TLN2: variants seen among roughly 807,000 people sequenced by gnomAD.
TLN2 encodes talin 2.
TLN2 carries 118 observed loss-of-function variants against 294.7 expected under a neutral mutation model. The observed-to-expected ratio is 0.40, with a 90% confidence interval of 0.34 to 0.47. The LOEUF is 0.47. Ranked by LOEUF, TLN2 falls within the 20% of genes least tolerant of loss-of-function variation. The pLI is 0.84. For missense variants in TLN2, 3,083 were observed against 3,282.2 expected, an observed-to-expected ratio of 0.94 and a Z score of 1.48; for synonymous variants, 1,431 against 1,304.5, an observed-to-expected ratio of 1.10 and a Z score of -2.09.
intron 1 of TLN2, among the ~76,000 whole-genome samples, chr15:62,589,246 CAAG>C (rs1319608325): frequency 6.6e-6 from 1 of 152,072 alleles, no homozygotes; most frequent in African/African-American, 2.4e-5. Flanking sequence ...ACAGCAAAAT[CAAG>C]AAGGGACCAC....
At chr15:62,577,667 C>T (rs909989588) in intron 1 of TLN2, among the ~76,000 whole-genome samples, 3 of 151,816 alleles carry the variant, frequency 2.0e-5, no homozygotes, top group Non-Finnish European at 4.4e-5. Flanking sequence ...ATGATGTTTT[C>T]TTTGTTTTGT....
chr15:62,619,214 C>T (rs2048562058), intron 3 of TLN2, among the ~76,000 whole-genome samples: 1 of 151,934 alleles, frequency 6.6e-6, no homozygotes, highest in African/African-American at 2.4e-5. Flanking sequence ...CATGTTTTTT[C>T]TGAAAAATGC....
intron 2 of TLN2, among the ~76,000 whole-genome samples, chr15:62,602,142 C>T (rs2047059311): frequency 6.6e-6 from 1 of 152,146 alleles, no homozygotes; most frequent in Non-Finnish European, 1.5e-5. Flanking sequence ...TTACAGTGGA[C>T]AGAACTAGGA....
At chr15:62,761,910 T>C (rs1382711815) in intron 38 of TLN2, 89 bp downstream of exon 38, 3 of 1,547,814 alleles carry the variant, frequency 1.9e-6, no homozygotes, top group Non-Finnish European at 2.7e-6. Context: ...CTCCAACAGC[T>C]CTCTCTGTCA....
intron 1 of TLN2, among the ~76,000 whole-genome samples, chr15:62,489,881 G>C (rs2038614314): frequency 6.6e-6 from 1 of 152,250 alleles, no homozygotes; most frequent in Non-Finnish European, 1.5e-5. Context: ...AGTACCCCAT[G>C]TTGGAATGGG....
intron 48 of TLN2, 90 bp from the exon 49 acceptor site, chr15:62,800,278 G>T: frequency 6.5e-7 from 1 of 1,541,416 alleles, no homozygotes; most frequent in Non-Finnish European, 8.7e-7. Flanking sequence ...CCTCCCCCGT[G>T]CCCTGGCCTG....
chr15:62,526,812 A>G (rs2040763275), intron 1 of TLN2, among the ~76,000 whole-genome samples: 1 of 152,136 alleles, frequency 6.6e-6, no homozygotes, highest in East Asian at 1.9e-4. Flanking sequence ...GGGGTTATAG[A>G]TGCCAGCCCC....
At position 62,761,683 on chromosome 15, in the gene TLN2, C is replaced by T; in HGVS notation, c.4641C>T (p.Ala1547=). The change falls in exon 38 of 59, where the codon GCC becomes GCT. Residue 1547 remains alanine, a splice_region_variant and synonymous_variant. Transcript: ENST00000636159. ...STANLVKTIK[A]LDGDFSEDNR... ...ATCTCCCTGTTTTCTCCCATCAGGC[C>T]CTGGATGGGGATTTCTCTGAAGACA... 1.2e-6 allele frequency: 2 copies of T among 1,614,030 alleles called. No homozygotes were observed. Among genetic ancestry groups the T allele is most frequent in the Non-Finnish European group, 1.7e-6 (2 of 1,180,000 alleles).
At chr15:62,736,280 A>C (rs1256934985) in intron 28 of TLN2, among the ~76,000 whole-genome samples, 1 of 151,726 alleles carries the variant, frequency 6.6e-6, no homozygotes, top group Non-Finnish European at 1.5e-5. Flanking sequence ...AGATCGCGCC[A>C]CTGCACTCCA....
At chr15:62,632,847 A>G (rs1167180432) in intron 3 of TLN2, among the ~76,000 whole-genome samples, 1 of 152,170 alleles carries the variant, frequency 6.6e-6, no homozygotes. Flanking sequence ...CCCTTTTTAT[A>G]TGATGGAGGA....
chr15:62,784,233 C>A, intron 45 of TLN2: 2 of 391,388 alleles, frequency 5.1e-6, no homozygotes, highest in Middle Eastern at 1.3e-3. Context: ...ACTTCCTACT[C>A]CAGTTAGCAC....
intron 52 of TLN2, among the ~76,000 whole-genome samples, chr15:62,815,816 C>T (rs1239546854): frequency 2.6e-5 from 4 of 152,220 alleles, no homozygotes; most frequent in African/African-American, 9.6e-5. Context: ...CTATTTGCTT[C>T]AGATGCTTAT....
intron 1 of TLN2, among the ~76,000 whole-genome samples, chr15:62,414,644 G>A (rs2033977261): frequency 7.1e-6 from 1 of 141,240 alleles, no homozygotes; most frequent in East Asian, 3.5e-4. Flanking sequence ...TGATTTGGAC[G>A]TTCAGTCTAG....
chr15:62,772,202 C>T, intron 42 of TLN2, among the ~76,000 whole-genome samples: 1 of 152,120 alleles, frequency 6.6e-6, no homozygotes, highest in East Asian at 1.9e-4. Context: ...AGCAATCCTC[C>T]CCATTTAGCC....
intron 1 of TLN2, among the ~76,000 whole-genome samples, chr15:62,560,673 G>A (rs1411558245): frequency 6.6e-6 from 1 of 152,212 alleles, no homozygotes; most frequent in East Asian, 1.9e-4. Flanking sequence ...CCTGTCTTTG[G>A]TTAAGAATTA....
chr15:62,548,031 A>G (rs2042089545), intron 1 of TLN2, among the ~76,000 whole-genome samples: 1 of 152,238 alleles, frequency 6.6e-6, no homozygotes, highest in Non-Finnish European at 1.5e-5. Flanking sequence ...GGTTGCAAAC[A>G]TATGGAGCTT....
At chr15:62,718,044 C>G (rs578006884) in intron 24 of TLN2, among the ~76,000 whole-genome samples, 2 of 152,190 alleles carry the variant, frequency 1.3e-5, no homozygotes, top group African/African-American at 2.4e-5. Flanking sequence ...AATTCAGCCT[C>G]GCTCCCTGGA....
In TLN2 at chr15:62,686,677, C is replaced by T. The variant is rs758243412; in HGVS notation, c.994C>T (p.Leu332=). Residue 332 remains leucine, a synonymous_variant, in exon 12 of 59, where the codon CTG becomes TTG. Coordinates refer to ENST00000636159, the MANE Select transcript of TLN2 (RefSeq NM_015059.3). The part of the protein sequence containing the change: ...MKGKNKLVPR[L]LGITKDSVMR... ...AGGCAAGAACAAGCTGGTGCCTCGC[C>T]TGCTGGGGATCACCAAAGACTCGGT... 1 of 1,614,000 alleles carries T rather than the reference C, an allele frequency of 6.2e-7. No homozygotes were observed. Among genetic ancestry groups the T allele is most frequent in the South Asian group, 1.1e-5 (1 of 91,040 alleles).
At chr15:62,542,652 G>T (rs902505240) in intron 1 of TLN2, among the ~76,000 whole-genome samples, 1 of 152,134 alleles carries the variant, frequency 6.6e-6, no homozygotes, top group Non-Finnish European at 1.5e-5. Flanking sequence ...TGACTGAGAA[G>T]TCCAACCATG....
Sources: gnomAD v4.1 joint callset for allele counts (sites outside exome capture counted in the v4.1 genomes callset) on GRCh38, gnomAD v4.1.1 for gene constraint, MANE v1.5 for transcripts, NCBI Gene and HGNC (gene_info 2026-07-23, HGNC 2026-07-21) for gene names.